Variants in PCDHGA3 observed in about 807,000 individuals in gnomAD.
PCDHGA3 encodes protocadherin gamma subfamily A, 3, also known as protocadherin gamma-A3.
PCDHGA3 carries 40 observed loss-of-function variants against 58.5 expected under a neutral mutation model. The observed-to-expected ratio is 0.68, with a 90% CI of 0.53 to 0.89. The LOEUF is 0.89. PCDHGA3 is among the 40% of genes least tolerant of loss of function. The pLI is 0.00. For synonymous variants in PCDHGA3, 530 were observed against 525.7 expected, an observed-to-expected ratio of 1.01 and a Z score of -0.11; for missense variants, 1,223 against 1,195.9, an observed-to-expected ratio of 1.02 and a Z score of -0.33.
Position 141,506,445 on chromosome 5 carries a change from A to T in PCDHGA3, c.2572+964A>T, listed in dbSNP as rs1018306383. 3.8e-3 allele frequency among the ~76,000 whole-genome samples: 112 copies of T among 29,226 alleles called. No individual in the cohort carries two copies. The Middle Eastern group carries it at 0.08, about 21-fold the overall frequency. The allele number at this position is 29,226 out of a possible 152,430, so 19.2% of individuals were successfully genotyped here. ...CTGGGCAACAGTCTCGCTCTGTCTC[A>T]AAAAAAAAAAAAAAAAAAAAGAGCA... On this transcript the variant is annotated intron_variant, in intron 3 of 3. Transcript: ENST00000253812.
intron 2 of PCDHGA3, among the ~76,000 whole-genome samples, chr5:141,497,171 C>T (rs991574648): frequency 6.6e-6 from 1 of 151,148 alleles, no homozygotes; most frequent in African/African-American, 2.5e-5. Context: ...CCACAAATCA[C>T]AGTAAGTTCT....
At chr5:141,407,602 G>A (rs1395597779) in intron 1 of PCDHGA3, among the ~76,000 whole-genome samples, 2 of 152,064 alleles carry the variant, frequency 1.3e-5, no homozygotes, top group Non-Finnish European at 2.9e-5. Context: ...ATCTTAAAAA[G>A]AAGCATTGGT....
rs1321974739 is a variant in PCDHGA3, at chr5:141,432,755, G to A, written c.2425-62052G>A. The A allele has an allele frequency of 2.5e-6, 4 of 1,614,134 alleles. No individual in the cohort carries two copies. Among genetic ancestry groups the A allele is most frequent in the African/African-American group, 1.3e-5 (1 of 75,060 alleles). On this transcript the variant is annotated intron_variant, in intron 1 of 3. Coordinates refer to ENST00000253812, the MANE Select transcript of PCDHGA3 (RefSeq NM_018916.4). This position sits in a 1 kb window ranked among gnomAD's most constrained non-coding sequence, Gnocchi z 6.0. ...TGTCACGCTCACCGTGGCCGTGGCC[G>A]ACAGCATCCCCCAAGTCCTGGCGGA...
At chr5:141,449,667 G>A (rs540415333) in intron 1 of PCDHGA3, among the ~76,000 whole-genome samples, 1 of 150,824 alleles carries the variant, frequency 6.6e-6, no homozygotes, top group South Asian at 2.1e-4. Context: ...ACACCCAAGT[G>A]TGTATGTATA....
chr5:141,418,314 C>T, intron 1 of PCDHGA3: 1 of 1,613,988 alleles, frequency 6.2e-7, no homozygotes. Context: ...GGGATGGGAA[C>T]AATTCTTGAG....
chr5:141,355,101 G>T, intron 1 of PCDHGA3: 2 of 1,500,200 alleles, frequency 1.3e-6, no homozygotes, highest in Non-Finnish European at 1.8e-6. Flanking sequence ...GAGAGCTCTG[G>T]CTGTGAATGC....
intron 1 of PCDHGA3, chr5:141,366,543 C>A: frequency 6.2e-7 from 1 of 1,614,244 alleles, no homozygotes; most frequent in Non-Finnish European, 8.5e-7. Context: ...GTGCCCGCCT[C>A]GCACTTTGTG....
Position 141,476,659 on chromosome 5 carries a change from G to C in PCDHGA3, c.2425-18148G>C. On this transcript the variant is annotated intron_variant, in intron 1 of 3. Transcript: ENST00000253812. This position sits in a 1 kb window ranked among gnomAD's most constrained non-coding sequence, Gnocchi z 7.6. ...AGCTGAGCCGAAATGAATACTTTGCGCTTCGCGTGCAGACGCGGGAGGACA... is the reference window on the plus strand; with the variant it reads ...AGCTGAGCCGAAATGAATACTTTGCCCTTCGCGTGCAGACGCGGGAGGACA... 1 of 1,614,252 alleles carries C rather than the reference G, an allele frequency of 6.2e-7. No individual in the cohort carries two copies. The highest frequency in any genetic ancestry group is 8.5e-7 in the Non-Finnish European group (1 of 1,180,048).
chr5:141,392,900 A>G, intron 1 of PCDHGA3: 1 of 1,613,714 alleles, frequency 6.2e-7, no homozygotes, highest in Non-Finnish European at 8.5e-7. Flanking sequence ...TCGGGAGGGG[A>G]CAGATTCGCT....
chr5:141,476,714 C>T lies in PCDHGA3; in HGVS notation c.2425-18093C>T, dbSNP rs146188020. On this transcript the variant is annotated intron_variant, in intron 1 of 3. Transcript: ENST00000253812. The surrounding 1 kb of genome is among the most constrained non-coding windows in gnomAD (Gnocchi z 7.6). ...CAAGTACGCGGAGCTGGTGTTGGAG[C>T]GCGCCCTGGACCGAGAACGGGAGCC... The T allele has an allele frequency of 6.2e-7, 1 of 1,614,154 alleles. No individual in the cohort carries two copies. The highest frequency in any genetic ancestry group is 8.5e-7 in the Non-Finnish European group (1 of 1,180,032).
intron 1 of PCDHGA3, among the ~76,000 whole-genome samples, chr5:141,483,024 G>A (rs1210804345): frequency 6.6e-6 from 1 of 152,094 alleles, no homozygotes; most frequent in Non-Finnish European, 1.5e-5. Context: ...GGCAGAGGTT[G>A]CAATGAGCTG....
chr5:141,347,656 G>A (rs1460154418), intron 1 of PCDHGA3, among the ~76,000 whole-genome samples: 1 of 151,990 alleles, frequency 6.6e-6, no homozygotes, highest in African/African-American at 2.4e-5. Context: ...GCATGGTGGT[G>A]GGCGCCTGTA....
intron 1 of PCDHGA3, among the ~76,000 whole-genome samples, chr5:141,373,413 C>T (rs1769555622): frequency 6.6e-6 from 1 of 152,186 alleles, no homozygotes; most frequent in African/African-American, 2.4e-5. Flanking sequence ...GTCCCAGCTA[C>T]TCGGGAGGCT....
At chr5:141,414,633 A>C (rs1368963927) in intron 1 of PCDHGA3, 1 of 1,613,988 alleles carries the variant, frequency 6.2e-7, no homozygotes, top group South Asian at 1.1e-5. Context: ...CGGACAGCAA[A>C]GAGAATGCCC....
At chr5:141,384,714 A>T (rs750526941) in intron 1 of PCDHGA3, 7 of 1,614,076 alleles carry the variant, frequency 4.3e-6, no homozygotes, top group Non-Finnish European at 5.9e-6. Context: ...CCTGGCTGTC[A>T]TACCTCCTGC....
chr5:141,486,091 G>A lies in PCDHGA3; in HGVS notation c.2425-8716G>A, dbSNP rs2099624256. On this transcript the variant is annotated intron_variant, in intron 1 of 3. Coordinates refer to ENST00000253812, the MANE Select transcript of PCDHGA3 (RefSeq NM_018916.4). This position sits in a 1 kb window ranked among gnomAD's most constrained non-coding sequence, Gnocchi z 5.0. ...CTACTGGAAAGCTTACTCTTTTGGGGCCCCTAGACTTTGAGAGTGAGAATT... is the reference window on the plus strand; with the variant it reads ...CTACTGGAAAGCTTACTCTTTTGGGACCCCTAGACTTTGAGAGTGAGAATT... 2 of 1,614,158 alleles carry A rather than the reference G, an allele frequency of 1.2e-6. No homozygotes were observed. Among genetic ancestry groups the A allele is most frequent in the Non-Finnish European group, 1.7e-6 (2 of 1,180,024 alleles).
chr5:141,467,681 A>G (rs2099148744), intron 1 of PCDHGA3, among the ~76,000 whole-genome samples: 1 of 152,076 alleles, frequency 6.6e-6, no homozygotes, highest in African/African-American at 2.4e-5. Flanking sequence ...TATTTTTTTT[A>G]GACAGGGTCT....
chr5:141,381,555 T>C (rs992456160), intron 1 of PCDHGA3, among the ~76,000 whole-genome samples: 2 of 152,192 alleles, frequency 1.3e-5, no homozygotes, highest in African/African-American at 4.8e-5. Flanking sequence ...TTGAATTGAA[T>C]TGCATAATGA....
At chr5:141,482,338 T>C (rs2099556539) in intron 1 of PCDHGA3, among the ~76,000 whole-genome samples, 1 of 152,156 alleles carries the variant, frequency 6.6e-6, no homozygotes, top group African/African-American at 2.4e-5. Context: ...ATATCTACTT[T>C]GCAAACTTGT....
Sources: allele counts gnomAD v4.1 joint callset (sites outside exome capture counted in the v4.1 genomes callset), GRCh38; gene constraint gnomAD v4.1.1; non-coding constraint Gnocchi (gnomAD v3.1); transcripts MANE v1.5; gene names NCBI Gene and HGNC (gene_info 2026-07-23, HGNC 2026-07-21).